BPI: variants seen among roughly 807,000 people sequenced by gnomAD.
The protein encoded by BPI is bactericidal permeability-increasing protein.
BPI carries 48 observed loss-of-function variants against 57.6 expected under a neutral mutation model. The ratio of observed to expected loss-of-function variants is 0.83; its 90% confidence interval spans 0.66 to 1.06. The LOEUF (loss-of-function observed/expected upper bound fraction) is 1.06, where lower values mean the gene tolerates loss of function less well. BPI is among the 50% of genes least tolerant of loss of function. The pLI is 0.00. For synonymous variants in BPI, 237 were observed against 238.2 expected, an observed-to-expected ratio of 0.99 and a Z score of 0.05; for missense variants, 651 against 609.7, an observed-to-expected ratio of 1.07 and a Z score of -0.71.
chr20:38,333,258 A>C (rs1483220599), intron 12 of BPI, among the ~76,000 whole-genome samples: 1 of 152,144 alleles, frequency 6.6e-6, no homozygotes, highest in Non-Finnish European at 1.5e-5. Context: ...TAGAAATTTT[A>C]AGTTCCCAGG....
chr20:38,312,985 G>T (rs1413329722), intron 5 of BPI, among the ~76,000 whole-genome samples: 1 of 152,170 alleles, frequency 6.6e-6, no homozygotes, highest in Admixed American at 6.5e-5. Context: ...AAGTCTCAGG[G>T]TAGGGTCTCA....
intron 11 of BPI, among the ~76,000 whole-genome samples, chr20:38,328,869 G>T (rs920350593): frequency 4.6e-5 from 7 of 151,422 alleles, no homozygotes; most frequent in Non-Finnish European, 1.0e-4. Flanking sequence ...AGCCAGGCAT[G>T]GTGGTGCATG....
intron 11 of BPI, among the ~76,000 whole-genome samples, chr20:38,330,222 G>A (rs1417487603): frequency 6.6e-6 from 1 of 152,006 alleles, no homozygotes; most frequent in Admixed American, 6.6e-5. Flanking sequence ...ACTCTAGCCT[G>A]AGCTAGTGAG....
chr20:38,328,020 G>A (rs897392444), intron 11 of BPI, among the ~76,000 whole-genome samples: 7 of 152,252 alleles, frequency 4.6e-5, no homozygotes, highest in African/African-American at 9.6e-5. Flanking sequence ...GCCACTGCAC[G>A]TCCCTGGCTT....
chr20:38,317,749 T>A (rs1201663370), intron 5 of BPI: 1 of 1,212,672 alleles, frequency 8.2e-7, no homozygotes, highest in African/African-American at 1.5e-5. Flanking sequence ...TAATTTGCCA[T>A]GTTCCGTTTT....
chr20:38,313,980 G>C (rs1186395857), intron 5 of BPI, among the ~76,000 whole-genome samples: 1 of 151,716 alleles, frequency 6.6e-6, no homozygotes, highest in African/African-American at 2.4e-5. Flanking sequence ...TAGTGAGGTT[G>C]ATGGTGATTA....
chr20:38,313,480 A>C (rs992020191), intron 5 of BPI, among the ~76,000 whole-genome samples: 1 of 151,824 alleles, frequency 6.6e-6, no homozygotes, highest in African/African-American at 2.4e-5. Flanking sequence ...AACCCAGAAA[A>C]TGTGCTCACT....
intron 9 of BPI, 150 bp from the exon 10 acceptor site, chr20:38,326,115 C>T: frequency 2.4e-6 from 2 of 825,626 alleles, no homozygotes; most frequent in Non-Finnish European, 3.6e-6. Flanking sequence ...TGGCAGGGTG[C>T]CAGCTGGCAG....
At chr20:38,317,638 A>G in intron 5 of BPI, 1 of 725,728 alleles carries the variant, frequency 1.4e-6, no homozygotes, top group Non-Finnish European at 2.5e-6. Flanking sequence ...GCTTAGAAGC[A>G]AGTCGGCAAG....
intron 7 of BPI, among the ~76,000 whole-genome samples, chr20:38,322,191 T>C (rs1053549682): frequency 6.6e-6 from 1 of 152,188 alleles, no homozygotes; most frequent in Admixed American, 6.5e-5. Context: ...TTCCATTTTT[T>C]TTTCCACAAA....
chr20:38,334,629 T>C, intron 13 of BPI, 136 bp downstream of exon 13: 1 of 845,570 alleles, frequency 1.2e-6, no homozygotes, highest in Non-Finnish European at 2.0e-6. Flanking sequence ...TCAAATGGCA[T>C]CTGACCCAGA....
Position 38,327,471 on chromosome 20 carries a change from AC to A in BPI, c.1162-113del, listed in dbSNP as rs1453682883. On this transcript the variant is annotated intron_variant, in intron 10 of 14. Transcript: ENST00000642449. Reference sequence around the variant, plus strand: ...CCACTCCTCTGGCTCTGTGGGCCTGACCCCACAGTGTATGCTGCCCTGCTGA... The same window carrying A: ...CCACTCCTCTGGCTCTGTGGGCCTGACCCACAGTGTATGCTGCCCTGCTGA... 16 of 1,096,394 alleles carry A rather than the reference AC, an allele frequency of 1.5e-5. No individual in the cohort carries two copies. The Admixed American group carries it at 2.6e-4, about 18-fold the overall frequency. The allele number at this position is 1,096,394 out of a possible 1,614,324, so 67.9% of individuals were successfully genotyped here.
intron 11 of BPI, among the ~76,000 whole-genome samples, chr20:38,329,354 T>C (rs2076730791): frequency 6.6e-6 from 1 of 152,154 alleles, no homozygotes; most frequent in Non-Finnish European, 1.5e-5. Context: ...AGTCCCGCCC[T>C]CTCCCTGGCA....
At chr20:38,319,380 G>A (rs1168515666) in intron 6 of BPI, among the ~76,000 whole-genome samples, 2 of 152,230 alleles carry the variant, frequency 1.3e-5, no homozygotes, top group Non-Finnish European at 2.9e-5. Context: ...TCCAGAGCCT[G>A]GGCTTTCAGC....
rs1276889043 is a variant in BPI, at chr20:38,336,984, G to A, written c.1414-162G>A. ...CGCAGATGTTGGCAGCTGTGGATGT[G>A]TAGATCCGGGCAGCGAAACACTGAG... On this transcript the variant is annotated intron_variant, in intron 14 of 14. Transcript: ENST00000642449. 3.9e-5 allele frequency among the ~76,000 whole-genome samples: 6 copies of A among 152,066 alleles called. No homozygotes were observed. The East Asian group carries it at 1.2e-3, about 29-fold the overall frequency.
Position 38,337,314 on chromosome 20 carries a change from A to G in BPI, c.*130A>G, listed in dbSNP as rs2076772583. 2 of 738,200 alleles carry G rather than the reference A, an allele frequency of 2.7e-6. No homozygotes were observed. The allele number at this position is 738,200 out of a possible 1,614,324, so 45.7% of individuals were successfully genotyped here. On this transcript the variant is annotated 3_prime_UTR_variant, in exon 15 of 15. Transcript: ENST00000642449. Reference sequence around the variant, plus strand: ...CCCCTTGCAAACTTCTTCGACTCAGATTCAGAAATGATCTAAACACGAGGA... The same window carrying G: ...CCCCTTGCAAACTTCTTCGACTCAGGTTCAGAAATGATCTAAACACGAGGA...
intron 4 of BPI, 151 bp from the exon 5 acceptor site, chr20:38,311,723 C>A: frequency 1.5e-6 from 1 of 671,940 alleles, no homozygotes; most frequent in Non-Finnish European, 2.6e-6. Context: ...GGAGAAGTGT[C>A]TGATGGGGTG....
chr20:38,314,255 G>A (rs1448669701), intron 5 of BPI, among the ~76,000 whole-genome samples: 2 of 149,280 alleles, frequency 1.3e-5, no homozygotes, highest in Non-Finnish European at 3.0e-5. Flanking sequence ...TGATGATGGT[G>A]GTGATGGTGA....
intron 2 of BPI, among the ~76,000 whole-genome samples, chr20:38,308,143 C>T (rs2076605626): frequency 6.6e-6 from 1 of 152,138 alleles, no homozygotes; most frequent in Admixed American, 6.5e-5. Context: ...GCAAGACAGC[C>T]ACCAGTAAGT....
Sources: allele counts gnomAD v4.1 joint callset (sites outside exome capture counted in the v4.1 genomes callset), GRCh38; gene constraint gnomAD v4.1.1; transcripts MANE v1.5; gene names NCBI Gene and HGNC (gene_info 2026-07-23, HGNC 2026-07-21).